ERCC1: variants seen among roughly 807,000 people sequenced by gnomAD.
ERCC1 encodes the protein DNA excision repair protein ERCC-1.
In ERCC1, 36 loss-of-function variants were observed where a neutral mutation model predicts 37.6. The observed-to-expected ratio is 0.96, with a 90% confidence interval of 0.73 to 1.26. The LOEUF is 1.26. Among genes scored for constraint, ERCC1 ranks in the 50% most tolerant of loss-of-function variants. ERCC1 has a pLI of 0.00. For synonymous variants in ERCC1, 156 were observed against 162.1 expected (o/e 0.96, Z 0.28); for missense variants, 349 against 376.5 (o/e 0.93, Z 0.60).
intron 1 of ERCC1, among the ~76,000 whole-genome samples, chr19:45,444,650 G>A (rs1975214033): frequency 6.6e-6 from 1 of 152,220 alleles, no homozygotes; most frequent in African/African-American, 2.4e-5. Context: ...AGACATGCGT[G>A]GAGGCCGAAG....
At chr19:45,442,330 GAAAA>G (rs1222943103) in intron 1 of ERCC1, among the ~76,000 whole-genome samples, 2 of 139,562 alleles carry the variant, frequency 1.4e-5, no homozygotes, top group East Asian at 5.0e-4. Flanking sequence ...AAAAAAAAAA[GAAAA>G]AGAAAAAAAG....
At chr19:45,446,922 C>T (rs1035491289) in intron 1 of ERCC1, among the ~76,000 whole-genome samples, 3 of 152,042 alleles carry the variant, frequency 2.0e-5, no homozygotes, top group Non-Finnish European at 2.9e-5. Flanking sequence ...CATTTGAACC[C>T]GGGAGGTGGA....
intron 1 of ERCC1, among the ~76,000 whole-genome samples, chr19:45,432,283 TTTA>T (rs35170597): frequency 0.43 from 63,133 of 145,744 alleles, 14,443 homozygotes; most frequent in East Asian, 0.72. Context: ...ACAAAATTAA[TTTA>T]TTATTATTAT....
intron 6 of ERCC1, 82 bp downstream of exon 6, chr19:45,416,739 G>T: frequency 2.0e-6 from 2 of 1,020,410 alleles, no homozygotes; most frequent in Non-Finnish European, 3.0e-6. Context: ...AAGGAGAAGG[G>T]AAGGGCTGGG....
rs142978273 is a variant in ERCC1 at position 45,408,754 on chromosome 19, C to A, written c.*921G>T. 6.2e-7 allele frequency: 1 copy of A among 1,613,750 alleles called. No individual in the cohort carries two copies. Among genetic ancestry groups the A allele is most frequent in the Non-Finnish European group, 8.5e-7 (1 of 1,179,950 alleles). ...AGAAGCCCAAAGGGAAAGAAACCTT[C>A]GAGCCAGAAGACAAGACAGTGAAGC... On this transcript the variant is annotated 3_prime_UTR_variant, in exon 10 of 10. Coordinates refer to ENST00000300853, the MANE Select transcript of ERCC1 (RefSeq NM_001983.4).
chr19:45,440,235 C>T (rs536297561), intron 1 of ERCC1, among the ~76,000 whole-genome samples: 1 of 151,750 alleles, frequency 6.6e-6, no homozygotes, highest in East Asian at 1.9e-4. Context: ...ACTCCCCCCT[C>T]CCCTACACCC....
intron 1 of ERCC1, among the ~76,000 whole-genome samples, chr19:45,446,936 TG>T (rs1966961487): frequency 6.6e-6 from 1 of 151,948 alleles, no homozygotes; most frequent in Non-Finnish European, 1.5e-5. Context: ...AGGTGGAGGT[TG>T]CAGTGAGCCA....
At position 45,420,336 on chromosome 19, in the gene ERCC1, G is replaced by C. The variant is rs752406317; in HGVS notation, c.413C>G (p.Ala138Gly). ...PDYVLGQSTC[A>G]LFLSLRYHNL... The stretch of plus-strand genomic sequence containing the variant: ...CCGCAGAGCTCACCTGAGGAACAGG[G>C]CACAGGTGCTCTGGCCCAGCACATA... Residue 138 changes from alanine (A) to glycine (G), a missense_variant, in exon 4 of 10, where the codon GCC (alanine) becomes GGC (glycine). Coordinates refer to ENST00000300853, the MANE Select transcript of ERCC1 (RefSeq NM_001983.4). The surrounding 1 kb of genome is among the most constrained non-coding windows in gnomAD (Gnocchi z 4.8). The C allele has an allele frequency of 6.2e-7, 1 of 1,611,526 alleles. No homozygotes were observed.
chr19:45,427,882 C>T (rs569657561), upstream of ERCC1, among the ~76,000 whole-genome samples: 1 of 152,248 alleles, frequency 6.6e-6, no homozygotes, highest in East Asian at 1.9e-4. Context: ...GCCCATTCCC[C>T]GCTCCCGATT....
At chr19:45,451,347 G>A (rs1040778146) in intron 1 of ERCC1, among the ~76,000 whole-genome samples, 3 of 152,154 alleles carry the variant, frequency 2.0e-5, no homozygotes, top group African/African-American at 7.2e-5. Context: ...CCGGATTTCC[G>A]GGTGCATTGT....
At chr19:45,428,832 G>A (rs915611638), upstream of ERCC1, 6 of 152,132 alleles carry the variant, frequency 3.9e-5, no homozygotes, top group Admixed American at 3.3e-4. Flanking sequence ...CGATCGCGGC[G>A]GGGCCGGGGA....
At position 45,419,123 on chromosome 19, in the gene ERCC1, C is replaced by T. The variant is rs765054963; in HGVS notation, c.500G>A (p.Arg167Gln). The change falls in exon 5 of 10, where the codon CGG becomes CAG. Residue 167 changes from arginine to glutamine, a missense_variant. Physicochemically the swap from Arg to Gln is conservative, Grantham distance 43. Transcript: ENST00000300853. The stretch of plus-strand genomic sequence containing the variant: ...CACATCCACCTGGACAAGCAGGACC[C>T]GCAAGGCGAAGTTCTTCCCCAGGCT... ...LQSLGKNFALRVLLVQVDVKD... is the reference protein window; with the variant it reads ...LQSLGKNFALQVLLVQVDVKD... 6.0e-5 allele frequency: 96 copies of T among 1,588,246 alleles called. No individual in the cohort carries two copies. The highest frequency in any genetic ancestry group is 4.0e-5 in the Non-Finnish European group (47 of 1,166,354).
At chr19:45,446,429 T>C (rs922134061) in intron 1 of ERCC1, among the ~76,000 whole-genome samples, 12 of 152,182 alleles carry the variant, frequency 7.9e-5, no homozygotes, top group Non-Finnish European at 1.5e-4. Context: ...CTTTCCATTA[T>C]GTTAGGTGGT....
chr19:45,447,139 G>A (rs576639002), intron 1 of ERCC1, among the ~76,000 whole-genome samples: 90 of 152,226 alleles, frequency 5.9e-4, no homozygotes, highest in African/African-American at 2.0e-3. Flanking sequence ...ATCCAATCAC[G>A]GCCTAGGCCT....
chr19:45,444,411 C>T (rs1975206488), intron 1 of ERCC1, among the ~76,000 whole-genome samples: 1 of 151,774 alleles, frequency 6.6e-6, no homozygotes, highest in Admixed American at 6.6e-5. Context: ...CCCAGAGACC[C>T]AGTTTGCTGC....
At chr19:45,412,324 A>T (rs1276202137) in intron 9 of ERCC1, among the ~76,000 whole-genome samples, 2 of 150,926 alleles carry the variant, frequency 1.3e-5, no homozygotes, top group African/African-American at 4.9e-5. Context: ...ACACCCAACT[A>T]ATTTTTATAT....
chr19:45,421,726 C>A (rs368069140), intron 2 of ERCC1, among the ~76,000 whole-genome samples: 1 of 151,758 alleles, frequency 6.6e-6, no homozygotes, highest in Non-Finnish European at 1.5e-5. Flanking sequence ...CTCCGCCCCC[C>A]AGGTTCAAGC....
chr19:45,423,182 C>G (rs2123537823), intron 2 of ERCC1, 88 bp downstream of exon 2: 1 of 1,353,574 alleles, frequency 7.4e-7, no homozygotes, highest in Admixed American at 2.0e-5. Context: ...AATCCACTAA[C>G]CCACACCCTG....
chr19:45,423,484 G>T, intron 1 of ERCC1, 103 bp from the exon 2 acceptor site: 1 of 1,509,942 alleles, frequency 6.6e-7, no homozygotes, highest in Non-Finnish European at 8.8e-7. Context: ...AACTCCGAGA[G>T]CTCCATAGCG....
Sources: gnomAD v4.1 joint callset for allele counts (sites outside exome capture counted in the v4.1 genomes callset) on GRCh38, gnomAD v4.1.1 for gene constraint, Gnocchi (gnomAD v3.1) non-coding constraint, MANE v1.5 for transcripts, NCBI Gene and HGNC (gene_info 2026-07-23, HGNC 2026-07-21) for gene names.